The following CYB5A variants were observed in gnomAD, a reference collection of about 807,000 sequenced individuals.
CYB5A encodes the protein cytochrome b5 type A.
A neutral mutation model predicts 16.2 loss-of-function variants in CYB5A; 10 were observed. The observed-to-expected ratio is 0.62, with a 90% CI of 0.38 to 1.04. The LOEUF is 1.04. Ranked by LOEUF, CYB5A falls within the 50% of genes least tolerant of loss-of-function variation. CYB5A has a pLI of 0.01. For missense variants in CYB5A, 161 were observed against 165.9 expected, an observed-to-expected ratio of 0.97 and a Z score of 0.16; for synonymous variants, 62 against 57.0, an observed-to-expected ratio of 1.09 and a Z score of -0.40.
At chr18:74,280,577 CA>C (rs1298855875) in intron 1 of CYB5A, among the ~76,000 whole-genome samples, 977 of 95,538 alleles carry the variant, frequency 0.01, 1 homozygote, top group South Asian at 0.017. Context: ...GACCCTGTCT[CA>C]AAAAAAAAAA....
intron 1 of CYB5A, among the ~76,000 whole-genome samples, chr18:74,264,966 T>G (rs1982378359): frequency 6.6e-6 from 1 of 151,038 alleles, no homozygotes; most frequent in South Asian, 2.1e-4. Context: ...AAAAAAAACT[T>G]CTTTAACTGA....
chr18:74,281,213 G>A (rs1381071008), intron 1 of CYB5A, among the ~76,000 whole-genome samples: 2 of 152,198 alleles, frequency 1.3e-5, no homozygotes, highest in African/African-American at 4.8e-5. Context: ...CTGAGATGGG[G>A]ACATGCAGAG....
intron 2 of CYB5A, among the ~76,000 whole-genome samples, 200 bp downstream of exon 2, chr18:74,263,146 CAAA>C (rs374767854): frequency 1.2e-4 from 10 of 85,822 alleles, no homozygotes; most frequent in Admixed American, 2.4e-4. Context: ...AGACCTGTCT[CAAA>C]AAAAAAAAAA....
chr18:74,272,623 A>G (rs1982711841), intron 1 of CYB5A, among the ~76,000 whole-genome samples: 1 of 152,238 alleles, frequency 6.6e-6, no homozygotes, highest in Non-Finnish European at 1.5e-5. Flanking sequence ...AATATAAATT[A>G]AGAGTTTTAT....
At chr18:74,281,612 C>T (rs955198388) in intron 1 of CYB5A, among the ~76,000 whole-genome samples, 11 of 152,206 alleles carry the variant, frequency 7.2e-5, no homozygotes, top group African/African-American at 2.6e-4. Context: ...CTGTGGTGAA[C>T]AGGTGTGGTT....
intron 1 of CYB5A, among the ~76,000 whole-genome samples, chr18:74,273,766 C>T (rs367962161): frequency 6.6e-6 from 1 of 152,234 alleles, no homozygotes. Flanking sequence ...GCCAGCTCTA[C>T]ACTCACAGCT....
chr18:74,283,197 G>A (rs1407981045), intron 1 of CYB5A, among the ~76,000 whole-genome samples: 1 of 152,148 alleles, frequency 6.6e-6, no homozygotes, highest in Non-Finnish European at 1.5e-5. Context: ...AGGGGAGGGC[G>A]AGAGATGAGC....
At chr18:74,272,470 G>A (rs905505447) in intron 1 of CYB5A, among the ~76,000 whole-genome samples, 3 of 152,128 alleles carry the variant, frequency 2.0e-5, no homozygotes, top group African/African-American at 4.8e-5. Context: ...TTGTCTCCAC[G>A]CTGACGGTTC....
intron 2 of CYB5A, among the ~76,000 whole-genome samples, chr18:74,262,890 C>T (rs1347236448): frequency 6.6e-6 from 1 of 152,176 alleles, no homozygotes; most frequent in Non-Finnish European, 1.5e-5. Flanking sequence ...GGGCTCACGC[C>T]TGTAATCCCA....
At chr18:74,284,004 G>C (rs532757501) in intron 1 of CYB5A, among the ~76,000 whole-genome samples, 1 of 152,094 alleles carries the variant, frequency 6.6e-6, no homozygotes, top group Admixed American at 6.5e-5. Context: ...AGGCCGAGGC[G>C]AGTGGATCAC....
intron 1 of CYB5A, among the ~76,000 whole-genome samples, chr18:74,270,646 A>G (rs1982634077): frequency 6.6e-6 from 1 of 152,212 alleles, no homozygotes; most frequent in Non-Finnish European, 1.5e-5. Flanking sequence ...TTTCTTGTCA[A>G]TATTTTCTAA....
intron 1 of CYB5A, among the ~76,000 whole-genome samples, chr18:74,280,577 CAA>C (rs1298855875): frequency 0.015 from 1,414 of 95,568 alleles, 11 homozygotes; most frequent in African/African-American, 0.051. Context: ...GACCCTGTCT[CAA>C]AAAAAAAAAA....
chr18:74,278,166 G>A (rs559297174), intron 1 of CYB5A, among the ~76,000 whole-genome samples: 2 of 152,306 alleles, frequency 1.3e-5, no homozygotes, highest in South Asian at 4.1e-4. Context: ...AGGTGACGGA[G>A]CCAGTTAGGG....
intron 1 of CYB5A, among the ~76,000 whole-genome samples, chr18:74,271,546 T>G (rs1323597926): frequency 1.3e-5 from 2 of 152,184 alleles, no homozygotes; most frequent in Non-Finnish European, 2.9e-5. Flanking sequence ...AAATAAAAAT[T>G]GTTTATCTGT....
intron 1 of CYB5A, among the ~76,000 whole-genome samples, chr18:74,269,298 G>C (rs1043797102): frequency 8.3e-6 from 1 of 120,896 alleles, no homozygotes; most frequent in Non-Finnish European, 1.9e-5. Context: ...CAGGGGAACA[G>C]GCTGCGCTTG....
intron 1 of CYB5A, among the ~76,000 whole-genome samples, chr18:74,283,703 T>G (rs1471150311): frequency 6.6e-6 from 1 of 152,206 alleles, no homozygotes; most frequent in Non-Finnish European, 1.5e-5. Context: ...GATGCACTTT[T>G]GCTTTTAAAG....
chr18:74,290,279 C>T (rs1002521532), intron 1 of CYB5A, among the ~76,000 whole-genome samples: 10 of 152,268 alleles, frequency 6.6e-5, no homozygotes, highest in Admixed American at 3.9e-4. Flanking sequence ...GAGTCTCACT[C>T]TGTCCCCCAG....
Position 74,291,758 on chromosome 18 carries a change from A to G in CYB5A, c.118T>C (p.Phe40Leu), listed in dbSNP as rs1983553742. 1 of 1,613,724 alleles carries G rather than the reference A, an allele frequency of 6.2e-7. No homozygotes were observed. Among genetic ancestry groups the G allele is most frequent in the South Asian group, 1.1e-5 (1 of 91,088 alleles). ...CATCCCCAACTCACCTCTTCCAGAA[A>G]TTTGGTCAAATCGTACACCTTGTGG... is the stretch of plus-strand genomic sequence containing the variant. ...LHHKVYDLTK[F>L]LEEHPGGEEV... Residue 40 changes from phenylalanine (F) to leucine (L), a missense_variant, in exon 1 of 5, where the codon TTT becomes CTT. By Grantham distance (22) the Phe-to-Leu change is conservative. Transcript: ENST00000340533.
chr18:74,257,105 T>C (rs901931228), intron 3 of CYB5A: 9 of 474,294 alleles, frequency 1.9e-5, no homozygotes, highest in African/African-American at 1.6e-4. Context: ...AGGTAAAATA[T>C]GATTGTCAAA....
Sources: gnomAD v4.1 joint callset for allele counts (sites outside exome capture counted in the v4.1 genomes callset) on GRCh38, gnomAD v4.1.1 for gene constraint, MANE v1.5 for transcripts, NCBI Gene and HGNC (gene_info 2026-07-23, HGNC 2026-07-21) for gene names.